The following SPMIP2 variants were observed in gnomAD, a reference collection of about 807,000 sequenced individuals.
The protein encoded by SPMIP2 is sperm microtubule inner protein 2.
At chr4:158,996,731 G>A in the SPMIP2 span, among the ~76,000 whole-genome samples, 15 of 152,128 alleles carry the variant, frequency 9.9e-5, no homozygotes, top group Admixed American at 7.9e-4. Flanking sequence ...AGGCTGTCAC[G>A]GTTTCAGTTA....
chr4:158,911,791 C>G, the SPMIP2 span, among the ~76,000 whole-genome samples: 1 of 152,154 alleles, frequency 6.6e-6, no homozygotes, highest in Non-Finnish European at 1.5e-5. Context: ...ATACTGCTCT[C>G]AAACTCGAGT....
At chr4:159,073,672 C>G in the SPMIP2 span, among the ~76,000 whole-genome samples, 2 of 152,178 alleles carry the variant, frequency 1.3e-5, no homozygotes, top group African/African-American at 4.8e-5. Context: ...AGGAAATAAT[C>G]TGGACTAGAA....
At chr4:159,076,348 G>A in the SPMIP2 span, among the ~76,000 whole-genome samples, 2 of 152,130 alleles carry the variant, frequency 1.3e-5, no homozygotes, top group Non-Finnish European at 2.9e-5. Flanking sequence ...CATACAGCAA[G>A]CTATAATTAA....
chr4:158,986,335 T>C, the SPMIP2 span, among the ~76,000 whole-genome samples: 1 of 152,132 alleles, frequency 6.6e-6, no homozygotes, highest in African/African-American at 2.4e-5. Flanking sequence ...AAGTCAATCC[T>C]AAGACAAAAG....
the SPMIP2 span, among the ~76,000 whole-genome samples, chr4:159,053,556 G>A: frequency 6.6e-6 from 1 of 152,110 alleles, no homozygotes; most frequent in African/African-American, 2.4e-5. Context: ...ATCTTTTGGT[G>A]CCTTCTGAAA....
the SPMIP2 span, among the ~76,000 whole-genome samples, chr4:158,957,449 G>A: frequency 6.6e-6 from 1 of 150,466 alleles, no homozygotes; most frequent in Admixed American, 6.6e-5. Flanking sequence ...CTTTTTTTGA[G>A]ACACAGTTTC....
chr4:158,948,411 A>G, the SPMIP2 span, among the ~76,000 whole-genome samples: 2 of 152,134 alleles, frequency 1.3e-5, no homozygotes, highest in Admixed American at 6.6e-5. Flanking sequence ...GTTAAAAGTC[A>G]TCTTCTATCA....
At chr4:158,965,445 G>T in the SPMIP2 span, among the ~76,000 whole-genome samples, 1,948 of 152,248 alleles carry the variant, frequency 0.013, 20 homozygotes, top group Non-Finnish European at 0.019. Context: ...TGTGTGCTCA[G>T]TGCAGAGTTT....
the SPMIP2 span, among the ~76,000 whole-genome samples, chr4:158,903,265 C>G: frequency 6.6e-6 from 1 of 152,126 alleles, no homozygotes; most frequent in Non-Finnish European, 1.5e-5. Context: ...CCGAGTAAGG[C>G]AACACCCCAC....
At chr4:159,053,918 C>CCA in the SPMIP2 span, among the ~76,000 whole-genome samples, 1 of 139,650 alleles carries the variant, frequency 7.2e-6, no homozygotes, top group African/African-American at 2.6e-5. Context: ...AAACTTGTCT[C>CCA]AAAAAAAAAA....
chr4:159,030,008 C>T, the SPMIP2 span, among the ~76,000 whole-genome samples: 15 of 151,856 alleles, frequency 9.9e-5, no homozygotes, highest in Non-Finnish European at 1.9e-4. Flanking sequence ...GTTAAGTGGT[C>T]GAGTATACCA....
chr4:159,080,145 C>T, the SPMIP2 span, among the ~76,000 whole-genome samples: 2 of 152,130 alleles, frequency 1.3e-5, no homozygotes, highest in Non-Finnish European at 2.9e-5. Flanking sequence ...TTTTCTCTCG[C>T]CTCTAGAAGC....
At chr4:159,024,481 C>G in the SPMIP2 span, among the ~76,000 whole-genome samples, 2 of 152,070 alleles carry the variant, frequency 1.3e-5, no homozygotes, top group Non-Finnish European at 2.9e-5. Context: ...AAAGTGCTTC[C>G]TTGCTGGCGT....
chr4:158,976,659 A>AATTTT, the SPMIP2 span, among the ~76,000 whole-genome samples: 1 of 94,732 alleles, frequency 1.1e-5, no homozygotes, highest in Non-Finnish European at 1.9e-5. Flanking sequence ...ATGGATAAGC[A>AATTTT]TTTTTTTTTT....
chr4:159,001,169 T>G, the SPMIP2 span, among the ~76,000 whole-genome samples: 35 of 152,322 alleles, frequency 2.3e-4, no homozygotes, highest in Admixed American at 2.3e-3. Context: ...CACTTGGTCT[T>G]CTTAATTGGT....
At chr4:158,994,178 C>T in the SPMIP2 span, among the ~76,000 whole-genome samples, 1 of 152,168 alleles carries the variant, frequency 6.6e-6, no homozygotes, top group Non-Finnish European at 1.5e-5. Flanking sequence ...TCTTATTTAT[C>T]TCTGTTAATT....
the SPMIP2 span, among the ~76,000 whole-genome samples, chr4:159,017,325 A>G: frequency 4.1e-5 from 6 of 147,274 alleles, no homozygotes; most frequent in Non-Finnish European, 7.4e-5. Flanking sequence ...AGTGCCTATG[A>G]ACAGTAAGAC....
chr4:158,992,713 C>A, the SPMIP2 span, among the ~76,000 whole-genome samples: 1 of 152,142 alleles, frequency 6.6e-6, no homozygotes, highest in Non-Finnish European at 1.5e-5. Context: ...TAAGATGGTG[C>A]CTTGTTGCTG....
the SPMIP2 span, among the ~76,000 whole-genome samples, chr4:159,006,686 G>A: frequency 6.6e-6 from 1 of 152,198 alleles, no homozygotes; most frequent in African/African-American, 2.4e-5. Context: ...ATGCATCTTG[G>A]TTGTATCAAA....
Sources: allele counts gnomAD v4.1 joint callset (sites outside exome capture counted in the v4.1 genomes callset), GRCh38; gene constraint gnomAD v4.1.1; transcripts MANE v1.5; gene names NCBI Gene and HGNC (gene_info 2026-07-23, HGNC 2026-07-21).